KANK3: variants seen among roughly 807,000 people sequenced by gnomAD.
The protein encoded by KANK3 is KN motif and ankyrin repeat domain-containing protein 3.
KANK3 carries 61 observed loss-of-function variants against 65.4 expected under a neutral mutation model. The ratio of observed to expected loss-of-function variants is 0.93; its 90% confidence interval spans 0.76 to 1.15. KANK3 has a LOEUF of 1.15. Among genes scored for constraint, KANK3 ranks in the 50% most tolerant of loss-of-function variants. The probability of loss-of-function intolerance (pLI) is 0.00; values close to 1 mark genes in which losing one functional copy is unlikely to be tolerated. For synonymous variants in KANK3, 586 were observed against 543.3 expected (o/e 1.08, Z -1.09); for missense variants, 1,187 against 1,178.8 (o/e 1.01, Z -0.10).
intron 1 of KANK3, among the ~76,000 whole-genome samples, chr19:8,340,741 G>A (rs548376550): frequency 3.3e-5 from 5 of 152,272 alleles, no homozygotes; most frequent in East Asian, 1.9e-4. Context: ...CTGTCTGGCC[G>A]AGGTCCCTGA....
At position 8,334,981 on chromosome 19, in the gene KANK3, G is replaced by A. The variant is rs1184373264; in HGVS notation, c.846C>T (p.Gly282=). The A allele has an allele frequency of 6.7e-7, 1 of 1,491,756 alleles. No individual in the cohort carries two copies. The allele number at this position is 1,491,756 out of a possible 1,614,324, so 92.4% of individuals were successfully genotyped here. Residue 282 remains glycine, a synonymous_variant, in exon 3 of 11, where the codon GGC becomes GGT. Coordinates refer to ENST00000330915, the MANE Select transcript of KANK3 (RefSeq NM_198471.3). The stretch of plus-strand genomic sequence containing the variant: ...CCTCCCCGTCGAGGACCTGGAGCGC[G>A]CCCTCGCTGCGCCCTGCAGCCAGGC... ...PDGLAAGRSE[G]ALQVLDGEVG...
At chr19:8,332,226 G>A (rs1220678758) in intron 7 of KANK3, among the ~76,000 whole-genome samples, 1 of 151,722 alleles carries the variant, frequency 6.6e-6, no homozygotes, top group African/African-American at 2.4e-5. Flanking sequence ...CGCCCAGGCT[G>A]GAGTGCAGTA....
intron 7 of KANK3, among the ~76,000 whole-genome samples, chr19:8,327,123 G>A (rs1461570551): frequency 6.6e-6 from 1 of 152,144 alleles, no homozygotes; most frequent in Admixed American, 6.6e-5. Context: ...GAAAGGAGCG[G>A]GGTCGGGGTC....
intron 2 of KANK3, among the ~76,000 whole-genome samples, chr19:8,336,384 C>CCGAGAT (rs1970637660): frequency 6.7e-6 from 1 of 149,878 alleles, no homozygotes; most frequent in African/African-American, 2.5e-5. Context: ...TTGAGGTGAG[C>CCGAGAT]CGAGATCGCA....
intron 7 of KANK3, among the ~76,000 whole-genome samples, 199 bp from the exon 8 acceptor site, chr19:8,325,295 TC>T (rs1970406607): frequency 8.0e-6 from 1 of 124,856 alleles, no homozygotes; most frequent in African/African-American, 3.2e-5. Context: ...TCCTGTTTCA[TC>T]TTTTTTTTTT....
chr19:8,330,518 C>G (rs182768674), intron 7 of KANK3, among the ~76,000 whole-genome samples: 7 of 151,394 alleles, frequency 4.6e-5, no homozygotes, highest in Admixed American at 2.0e-4. Context: ...TACCTGAGGT[C>G]GGGAGTTTGA....
At position 8,333,793 on chromosome 19, in the gene KANK3, C is replaced by T. The variant is rs1458262144; in HGVS notation, c.1650G>A (p.Pro550=). ...GCGCTACGCACGCCTCCCTCAGACG[C>T]GGGCTCAGCTCGCACCTGCAGAGGA... ...QVAQGRCELS[P]RLREACVALQ... The change falls in exon 6 of 11, where the codon CCG becomes CCA. Residue 550 remains proline (P), a synonymous_variant. Transcript: ENST00000330915. The surrounding 1 kb of genome is among the most constrained non-coding windows in gnomAD (Gnocchi z 5.0). 1 of 1,527,742 alleles carries T rather than the reference C, an allele frequency of 6.5e-7. No individual in the cohort carries two copies. The highest frequency in any genetic ancestry group is 1.2e-5 in the South Asian group (1 of 82,874). The allele number at this position is 1,527,742 out of a possible 1,614,324, so 94.6% of individuals were successfully genotyped here. A position where few individuals can be genotyped will look rare whatever the true frequency, so the allele number is the denominator to read the frequency against.
intron 7 of KANK3, among the ~76,000 whole-genome samples, chr19:8,328,708 G>A (rs35390907): frequency 0.15 from 22,350 of 152,000 alleles, 1,931 homozygotes; most frequent in African/African-American, 0.23. Flanking sequence ...TGGGAGGTGA[G>A]GGTCGGGAAG....
rs780229218 is a variant in KANK3 at position 8,340,275 on chromosome 19, C to CGT, written c.-28-2420_-28-2419insAC. 6.3e-3 allele frequency among the ~76,000 whole-genome samples: 413 copies of CGT among 65,998 alleles called. 7 individuals are homozygous for CGT. Among genetic ancestry groups the CGT allele is most frequent in the East Asian group, 0.012 (23 of 1,906 alleles). The allele number at this position is 65,998 out of a possible 152,430, so 43.3% of individuals were successfully genotyped here. A position where few individuals can be genotyped will look rare whatever the true frequency, so the allele number is the denominator to read the frequency against. ...AGACTCCGTCTCAAAAAAAAAAAAC[C>CGT]ATATATATATATATATACACACACA... On this transcript the variant is annotated intron_variant, in intron 1 of 10. Coordinates refer to ENST00000330915, the MANE Select transcript of KANK3 (RefSeq NM_198471.3).
rs1015406822 is a variant in KANK3 at position 8,335,602 on chromosome 19, C to A, written c.225G>T (p.Ala75=). The A allele has an allele frequency of 8.1e-7, 1 of 1,232,240 alleles. No individual in the cohort carries two copies. The highest frequency in any genetic ancestry group is 1.0e-6 in the Non-Finnish European group (1 of 983,476). 76.3% of individuals were successfully genotyped at this position (1,232,240 alleles called of 1,614,324 possible). A position where few individuals can be genotyped will look rare whatever the true frequency, so the allele number is the denominator to read the frequency against. ...GTGCGCCCGCGAGGCCGGGCCGGGG[C>A]GCGCGGGGACGGCGCGAGGTCGGGG... ...PGPPTSRRPR[A]PRPGLAGARS... The change falls in exon 3 of 11, where the codon GCG becomes GCT. Residue 75 remains alanine (A), a synonymous_variant. Transcript: ENST00000330915.
At chr19:8,327,946 T>G (rs372598062) in intron 7 of KANK3, among the ~76,000 whole-genome samples, 1 of 152,266 alleles carries the variant, frequency 6.6e-6, no homozygotes, top group East Asian at 1.9e-4. Flanking sequence ...CTGCTCCCTC[T>G]CCCTTTTCTC....
rs187670650 is a variant in KANK3 at position 8,330,423 on chromosome 19, A to G, written c.1936+2591T>C. On this transcript the variant is annotated intron_variant, in intron 7 of 10. Transcript: ENST00000330915. ...CAGCCTGGCCAACATGGTGAAACCC[A>G]TCTCTACTAAAAATGTAAAAATTGT... 1.0e-2 allele frequency among the ~76,000 whole-genome samples: 1,515 copies of G among 152,172 alleles called. 25 individuals carry two copies. Among genetic ancestry groups the G allele is most frequent in the African/African-American group, 0.034 (1,410 of 41,496 alleles).
chr19:8,338,485 A>C (rs1021879269), intron 1 of KANK3, among the ~76,000 whole-genome samples: 1 of 152,150 alleles, frequency 6.6e-6, no homozygotes, highest in South Asian at 2.1e-4. Flanking sequence ...GTTTTCTGAT[A>C]ATCTCTGGGG....
chr19:8,328,379 C>T (rs1023733415), intron 7 of KANK3, among the ~76,000 whole-genome samples: 1 of 144,798 alleles, frequency 6.9e-6, no homozygotes, highest in African/African-American at 2.6e-5. Flanking sequence ...CTTCACTCAC[C>T]ACCCCCACCA....
intron 10 of KANK3, 80 bp from the exon 11 acceptor site, chr19:8,323,002 A>G: frequency 1.2e-6 from 1 of 801,560 alleles, no homozygotes; most frequent in Non-Finnish European, 1.9e-6. Flanking sequence ...AGCCTCACTT[A>G]GTGGAGGTTC....
intron 2 of KANK3, among the ~76,000 whole-genome samples, chr19:8,336,735 G>C (rs1970646086): frequency 1.1e-5 from 1 of 87,348 alleles, no homozygotes; most frequent in African/African-American, 5.3e-5. Context: ...GTGAGACCCT[G>C]TCTCAAAAAA....
chr19:8,334,592 GC>G lies in KANK3; in HGVS notation c.1234del (p.Ala412ProfsTer13), dbSNP rs1568575999. ...TQTPWSCAEK[A>X]AQTESPAEAP... ...CTCTGCCGGGGACTCGGTCTGCGCG[GC>G]CTTTTCGGCACAGCTCCACGGGGTC... On this transcript the variant is annotated frameshift_variant, in exon 3 of 11. Transcript: ENST00000330915. LOFTEE classifies it high-confidence loss of function. 1 of 1,591,058 alleles carries G rather than the reference GC, an allele frequency of 6.3e-7. No individual in the cohort carries two copies. Among genetic ancestry groups the G allele is most frequent in the Non-Finnish European group, 8.5e-7 (1 of 1,176,148 alleles).
intron 7 of KANK3, among the ~76,000 whole-genome samples, chr19:8,328,320 G>A (rs1220837326): frequency 6.6e-6 from 1 of 150,828 alleles, no homozygotes; most frequent in East Asian, 2.0e-4. Context: ...GCCCTTACTA[G>A]CATTTGAAAT....
rs1408495130 is a variant in KANK3, at chr19:8,334,121, G to C, written c.1428-5C>G. ...TCGCTGGAGGAGCTCTCGTACCTGG[G>C]GGCAGGGTGGGAGGTGTCTGCTAAA... On this transcript the variant is annotated splice_polypyrimidine_tract_variant and splice_region_variant and intron_variant, in intron 4 of 10. Coordinates refer to ENST00000330915, the MANE Select transcript of KANK3 (RefSeq NM_198471.3). The C allele has an allele frequency of 4.0e-6, 6 of 1,508,456 alleles. No homozygotes were observed. Among genetic ancestry groups the C allele is most frequent in the Non-Finnish European group, 5.3e-6 (6 of 1,127,952 alleles). The allele number at this position is 1,508,456 out of a possible 1,614,324, so 93.4% of individuals were successfully genotyped here. A position where few individuals can be genotyped will look rare whatever the true frequency, so the allele number is the denominator to read the frequency against.
Sources: gnomAD v4.1 joint callset for allele counts (sites outside exome capture counted in the v4.1 genomes callset) on GRCh38, gnomAD v4.1.1 for gene constraint, Gnocchi (gnomAD v3.1) non-coding constraint, MANE v1.5 for transcripts, NCBI Gene and HGNC (gene_info 2026-07-23, HGNC 2026-07-21) for gene names.